The following QTMAN variants were observed in gnomAD, a reference collection of about 807,000 sequenced individuals.
QTMAN encodes the protein queuosine-tRNA mannosyltransferase.
chr2:144,316,345 A>C, the QTMAN span, among the ~76,000 whole-genome samples: 1 of 152,136 alleles, frequency 6.6e-6, no homozygotes, highest in Non-Finnish European at 1.5e-5. Context: ...AAAGCCTGTA[A>C]ACATTTACAG....
the QTMAN span, chr2:144,332,298 C>G: frequency 6.6e-6 from 1 of 150,412 alleles, no homozygotes; most frequent in East Asian, 2.0e-4. Flanking sequence ...CGGCTCCCCG[C>G]GCCGCAGCCG....
chr2:144,021,881 G>A, the QTMAN span, among the ~76,000 whole-genome samples: 31 of 152,184 alleles, frequency 2.0e-4, no homozygotes, highest in East Asian at 5.8e-4. Flanking sequence ...GTGCGTGTGC[G>A]TCCATGCTTA....
At chr2:144,242,966 A>AC in the QTMAN span, among the ~76,000 whole-genome samples, 3 of 148,304 alleles carry the variant, frequency 2.0e-5, no homozygotes, top group Non-Finnish European at 4.4e-5. Context: ...TACTTAAAAA[A>AC]AAAAAAAAAA....
chr2:144,112,538 GC>G, the QTMAN span, among the ~76,000 whole-genome samples: 1 of 152,192 alleles, frequency 6.6e-6, no homozygotes, highest in African/African-American at 2.4e-5. Flanking sequence ...CAAAGGACAA[GC>G]AAAGGGATGG....
chr2:144,075,889 T>C, the QTMAN span, among the ~76,000 whole-genome samples: 23 of 152,348 alleles, frequency 1.5e-4, no homozygotes, highest in Admixed American at 6.5e-4. Context: ...CCTGAATATA[T>C]TGTGTGCACT....
the QTMAN span, among the ~76,000 whole-genome samples, chr2:144,329,463 G>A: frequency 6.6e-6 from 1 of 152,146 alleles, no homozygotes; most frequent in Admixed American, 6.5e-5. Flanking sequence ...AGGTCTATAT[G>A]CTGAAAAACA....
the QTMAN span, among the ~76,000 whole-genome samples, chr2:144,224,961 G>A: frequency 1.3e-5 from 2 of 152,106 alleles, no homozygotes; most frequent in South Asian, 4.1e-4. Context: ...CAAGTTATAC[G>A]AATAGTTCAA....
At chr2:144,259,526 A>G in the QTMAN span, among the ~76,000 whole-genome samples, 1 of 152,210 alleles carries the variant, frequency 6.6e-6, no homozygotes, top group African/African-American at 2.4e-5. Context: ...TGACTTTTGC[A>G]CCAACCTAAC....
At chr2:144,105,482 T>A in the QTMAN span, among the ~76,000 whole-genome samples, 3 of 152,236 alleles carry the variant, frequency 2.0e-5, no homozygotes, top group East Asian at 5.8e-4. Context: ...GCCGATTCAA[T>A]CAACTGGAAG....
chr2:144,005,116 G>A, the QTMAN span, among the ~76,000 whole-genome samples: 10 of 151,826 alleles, frequency 6.6e-5, no homozygotes, highest in Non-Finnish European at 1.5e-4. Context: ...CAAACAGCTC[G>A]GGTTGATGCT....
the QTMAN span, among the ~76,000 whole-genome samples, chr2:144,262,494 C>G: frequency 6.9e-6 from 1 of 144,382 alleles, no homozygotes; most frequent in Non-Finnish European, 1.5e-5. Context: ...AGCTTGAGCC[C>G]AGGAGTTTGA....
chr2:144,064,688 C>G, the QTMAN span, among the ~76,000 whole-genome samples: 2 of 152,138 alleles, frequency 1.3e-5, no homozygotes, highest in Non-Finnish European at 2.9e-5. Flanking sequence ...ATAAAAAATG[C>G]CATGTATGTT....
the QTMAN span, among the ~76,000 whole-genome samples, chr2:144,027,575 C>T: frequency 3.9e-5 from 6 of 152,120 alleles, no homozygotes; most frequent in Admixed American, 2.0e-4. Flanking sequence ...GGCTGCCTTC[C>T]GCAAACAAGC....
At chr2:144,046,054 A>T in the QTMAN span, among the ~76,000 whole-genome samples, 2 of 152,216 alleles carry the variant, frequency 1.3e-5, no homozygotes, top group African/African-American at 4.8e-5. Context: ...ACACAGAAAT[A>T]AGTGAAGGCC....
chr2:144,200,637 T>C, the QTMAN span, among the ~76,000 whole-genome samples: 2 of 152,232 alleles, frequency 1.3e-5, no homozygotes, highest in African/African-American at 2.4e-5. Flanking sequence ...TAGACTAATG[T>C]TTCCTGAACT....
chr2:144,040,956 A>G, the QTMAN span, among the ~76,000 whole-genome samples: 3 of 152,220 alleles, frequency 2.0e-5, no homozygotes, highest in Admixed American at 2.0e-4. Flanking sequence ...AATTATACTA[A>G]TATCATTGAA....
chr2:144,253,990 G>A, the QTMAN span, among the ~76,000 whole-genome samples: 4 of 152,220 alleles, frequency 2.6e-5, no homozygotes, highest in African/African-American at 9.6e-5. Context: ...CTCAAGAATT[G>A]GCGGCCTGTG....
chr2:144,208,304 T>A, the QTMAN span, among the ~76,000 whole-genome samples: 33 of 152,296 alleles, frequency 2.2e-4, no homozygotes, highest in Non-Finnish European at 4.1e-4. Context: ...CTAGAAGATC[T>A]ACTGTTCTCT....
the QTMAN span, among the ~76,000 whole-genome samples, chr2:143,965,193 C>T: frequency 6.6e-6 from 1 of 151,850 alleles, no homozygotes; most frequent in Non-Finnish European, 1.5e-5. Flanking sequence ...GATGCAGATG[C>T]TTTATGTAGC....
Sources: allele counts gnomAD v4.1 joint callset (sites outside exome capture counted in the v4.1 genomes callset), GRCh38; gene constraint gnomAD v4.1.1; transcripts MANE v1.5; gene names NCBI Gene and HGNC (gene_info 2026-07-23, HGNC 2026-07-21).